ACADL: variants seen among roughly 807,000 people sequenced by gnomAD.
The protein encoded by ACADL is long-chain specific acyl-CoA dehydrogenase, mitochondrial.
ACADL carries 60 observed loss-of-function variants against 56.9 expected under a neutral mutation model. The observed-to-expected ratio is 1.05, with a 90% CI of 0.86 to 1.31. The LOEUF is 1.31. Among genes scored for constraint, ACADL ranks in the 50% most tolerant of loss-of-function variants. The probability of loss-of-function intolerance (pLI) is 0.00; values close to 1 mark genes in which losing one functional copy is unlikely to be tolerated. For missense variants in ACADL, 484 were observed against 525.5 expected, an observed-to-expected ratio of 0.92 and a Z score of 0.77; for synonymous variants, 158 against 179.7, an observed-to-expected ratio of 0.88 and a Z score of 0.97.
intron 3 of ACADL, 95 bp from the exon 4 acceptor site, chr2:210,216,606 G>T: frequency 8.6e-7 from 1 of 1,165,890 alleles, no homozygotes; most frequent in African/African-American, 1.5e-5. Context: ...CAAATTGTTT[G>T]GTAGTGGCCT....
intron 8 of ACADL, among the ~76,000 whole-genome samples, chr2:210,202,698 C>T (rs1028126989): frequency 4.6e-5 from 7 of 151,992 alleles, no homozygotes; most frequent in African/African-American, 7.2e-5. Flanking sequence ...CTAAAAATAA[C>T]GACAAAAAAT....
Position 210,195,241 on chromosome 2 carries a change from T to G in ACADL, c.1082A>C (p.Asp361Ala), listed in dbSNP as rs566985824. The G allele has an allele frequency of 6.2e-7, 1 of 1,613,784 alleles. No individual in the cohort carries two copies. Among genetic ancestry groups the G allele is most frequent in the Admixed American group, 1.7e-5 (1 of 59,930 alleles). The change falls in exon 9 of 11, where the codon GAC (aspartate) becomes GCC (alanine). Residue 361 changes from aspartate to alanine, a missense_variant. Coordinates refer to ENST00000233710, the MANE Select transcript of ACADL (RefSeq NM_001608.4). ...CLQLHEAKRL[D>A]SATACMAKYW... ...TTTCGCCATGCAAGCAGTGGCGGAGTCCAAACGTTTCGCTTCATGCAGCTG... is the reference window on the plus strand; with the variant it reads ...TTTCGCCATGCAAGCAGTGGCGGAGGCCAAACGTTTCGCTTCATGCAGCTG...
intron 4 of ACADL, among the ~76,000 whole-genome samples, chr2:210,214,256 A>G (rs1240730339): frequency 6.6e-6 from 1 of 151,990 alleles, no homozygotes; most frequent in African/African-American, 2.4e-5. Context: ...ACCATATTCC[A>G]TCTTCTATCT....
chr2:210,220,728 C>A lies in ACADL; in HGVS notation c.152G>T (p.Arg51Ile), dbSNP rs774761910. 6.2e-7 allele frequency: 1 copy of A among 1,613,170 alleles called. No homozygotes were observed. Among genetic ancestry groups the A allele is most frequent in the Non-Finnish European group, 8.5e-7 (1 of 1,179,546 alleles). Residue 51 changes from arginine to isoleucine, a missense_variant, in exon 2 of 11, where the codon AGA becomes ATA. Physicochemically the swap from Arg to Ile is moderately conservative, Grantham distance 97 (BLOSUM62 -3). Coordinates refer to ENST00000233710, the MANE Select transcript of ACADL (RefSeq NM_001608.4). Reference sequence around the variant, plus strand: ...AATGTCATGCTCTGGAGAAAAGATTCTTCGAATTCCTATATCTGTTAATTT... The same window carrying A: ...AATGTCATGCTCTGGAGAAAAGATTATTCGAATTCCTATATCTGTTAATTT... ...AKKLTDIGIR[R>I]IFSPEHDIFR...
At chr2:210,224,815 C>T in intron 1 of ACADL, 2 of 1,006,242 alleles carry the variant, frequency 2.0e-6, no homozygotes, top group Non-Finnish European at 2.4e-6. Context: ...CTCCTGCAGC[C>T]GGGCCCAGGG....
At chr2:210,189,229 A>AG (rs540253402) in intron 10 of ACADL, among the ~76,000 whole-genome samples, 175 bp from the exon 11 acceptor site, 18 of 151,916 alleles carry the variant, frequency 1.2e-4, no homozygotes, top group African/African-American at 4.3e-4. Flanking sequence ...ATAGTAAAAA[A>AG]AACTATTAAG....
chr2:210,201,623 T>G (rs1688793841), intron 8 of ACADL, among the ~76,000 whole-genome samples: 1 of 152,184 alleles, frequency 6.6e-6, no homozygotes, highest in African/African-American at 2.4e-5. Flanking sequence ...CCAAGTTGTT[T>G]CATTTCTACC....
chr2:210,206,333 A>G (rs1206275637), intron 5 of ACADL, among the ~76,000 whole-genome samples: 1 of 152,174 alleles, frequency 6.6e-6, no homozygotes, highest in Non-Finnish European at 1.5e-5. Flanking sequence ...CAGGAAGCTG[A>G]GGCAGGAGGA....
chr2:210,200,877 C>T (rs1688781117), intron 8 of ACADL, among the ~76,000 whole-genome samples: 1 of 152,140 alleles, frequency 6.6e-6, no homozygotes, highest in South Asian at 2.1e-4. Context: ...ATAAGGATAA[C>T]AGCTAATTTT....
chr2:210,222,508 C>CAAAAAAAAAAAAA (rs797000679), intron 1 of ACADL, among the ~76,000 whole-genome samples: 12 of 81,288 alleles, frequency 1.5e-4, no homozygotes, highest in African/African-American at 2.3e-4. Flanking sequence ...AACAAACAAA[C>CAAAAAAAAAAAAA]AAAAAAAAAA....
In ACADL at chr2:210,188,881, C is replaced by G; in HGVS notation, c.*80G>C. ...GGTAAAAACATGTTTAGTGTTTCCT[C>G]GCTTTCCAAGTTACATTTTATCTTG... On this transcript the variant is annotated 3_prime_UTR_variant, in exon 11 of 11. Coordinates refer to ENST00000233710, the MANE Select transcript of ACADL (RefSeq NM_001608.4). 1 of 1,017,062 alleles carries G rather than the reference C, an allele frequency of 9.8e-7. No individual in the cohort carries two copies. The highest frequency in any genetic ancestry group is 1.6e-6 in the Non-Finnish European group (1 of 637,330). 63.0% of individuals were successfully genotyped at this position (1,017,062 alleles called of 1,614,324 possible).
chr2:210,224,454 T>G, intron 1 of ACADL: 1 of 985,304 alleles, frequency 1.0e-6, no homozygotes, highest in Non-Finnish European at 1.2e-6. Context: ...AAATAATGAA[T>G]TCTCCATGCT....
In ACADL at chr2:210,218,362, C is replaced by A. The variant is rs1177519512; in HGVS notation, c.234-260G>T. Reference sequence around the variant, plus strand: ...GTGGCACAATCATGGATCACTGCAGCCTCAAAATCCTGGGTTCAAGCAATC... The same window carrying A: ...GTGGCACAATCATGGATCACTGCAGACTCAAAATCCTGGGTTCAAGCAATC... On this transcript the variant is annotated intron_variant, in intron 2 of 10. Coordinates refer to ENST00000233710, the MANE Select transcript of ACADL (RefSeq NM_001608.4). 21 of 390,940 alleles carry A rather than the reference C, an allele frequency of 5.4e-5. 1 individual carries two copies. The Admixed American group carries it at 8.8e-4, about 16-fold the overall frequency. 24.2% of individuals were successfully genotyped at this position (390,940 alleles called of 1,614,324 possible). A position where few individuals can be genotyped will look rare whatever the true frequency, so the allele number is the denominator to read the frequency against.
At chr2:210,197,609 T>A (rs1391040987) in intron 8 of ACADL, among the ~76,000 whole-genome samples, 1 of 152,228 alleles carries the variant, frequency 6.6e-6, no homozygotes, top group East Asian at 1.9e-4. Context: ...AATGACACTA[T>A]GTATGACACT....
intron 1 of ACADL, among the ~76,000 whole-genome samples, chr2:210,222,025 A>C (rs376623227): frequency 8.5e-5 from 13 of 152,304 alleles, no homozygotes; most frequent in African/African-American, 3.1e-4. Flanking sequence ...TATTGTGCCC[A>C]GTCGCTATTA....
intron 2 of ACADL, among the ~76,000 whole-genome samples, chr2:210,220,423 G>A (rs1168014455): frequency 6.6e-6 from 1 of 152,060 alleles, no homozygotes; most frequent in Non-Finnish European, 1.5e-5. Flanking sequence ...CTTAGACTAA[G>A]TTGTAAATTT....
At chr2:210,213,154 A>G (rs1240643073) in intron 4 of ACADL, among the ~76,000 whole-genome samples, 1 of 152,220 alleles carries the variant, frequency 6.6e-6, no homozygotes, top group Non-Finnish European at 1.5e-5. Context: ...ATTTTTCATC[A>G]TAAGTATGTA....
intron 4 of ACADL, among the ~76,000 whole-genome samples, chr2:210,211,611 C>T (rs1256569385): frequency 6.6e-6 from 1 of 152,118 alleles, no homozygotes; most frequent in Non-Finnish European, 1.5e-5. Flanking sequence ...CTCTCTTCCT[C>T]CTTCTCTGGC....
At chr2:210,222,735 G>A (rs1315363940) in intron 1 of ACADL, among the ~76,000 whole-genome samples, 1 of 152,192 alleles carries the variant, frequency 6.6e-6, no homozygotes, top group Admixed American at 6.5e-5. Flanking sequence ...AGAGTGGGCT[G>A]AGAAGAGTAG....
Sources: gnomAD v4.1 joint callset for allele counts (sites outside exome capture counted in the v4.1 genomes callset) on GRCh38, gnomAD v4.1.1 for gene constraint, MANE v1.5 for transcripts, NCBI Gene and HGNC (gene_info 2026-07-23, HGNC 2026-07-21) for gene names.